SLC14A2: variants seen among roughly 807,000 people sequenced by gnomAD.
The protein encoded by SLC14A2 is urea transporter 2.
A neutral mutation model predicts 104.6 loss-of-function variants in SLC14A2; 91 were observed. The observed-to-expected ratio is 0.87, with a 90% confidence interval of 0.73 to 1.04. SLC14A2 has a LOEUF of 1.04. Ranked by LOEUF, SLC14A2 falls within the 50% of genes least tolerant of loss-of-function variation. The pLI is 0.00. For synonymous variants in SLC14A2, 476 were observed against 466.4 expected (o/e 1.02, Z -0.27); for missense variants, 1,189 against 1,156.0 (o/e 1.03, Z -0.41).
At chr18:45,272,674 T>C (rs1010352209) in intron 1 of SLC14A2, among the ~76,000 whole-genome samples, 5 of 151,992 alleles carry the variant, frequency 3.3e-5, no homozygotes, top group African/African-American at 4.8e-5. Flanking sequence ...AATGAATGAA[T>C]AAGACCTACT....
chr18:45,488,966 C>A (rs886972459), intron 2 of SLC14A2, among the ~76,000 whole-genome samples: 3 of 152,214 alleles, frequency 2.0e-5, no homozygotes, highest in African/African-American at 7.2e-5. Context: ...CACATCCAGG[C>A]TGCAAAGCCT....
In SLC14A2 at chr18:45,650,092, C is replaced by T. The variant is rs752312536; in HGVS notation, c.1351+5932C>T. ...TGATGGGCCTCTTTGATCTCTATTT[C>T]GAGTTGCTTATGTTATTCTTCACAA... On this transcript the variant is annotated intron_variant, in intron 10 of 19. Coordinates refer to ENST00000255226, the MANE Select transcript of SLC14A2 (RefSeq NM_007163.4). 1.6e-4 allele frequency among the ~76,000 whole-genome samples: 24 copies of T among 152,254 alleles called. 1 individual carries two copies. In the South Asian group the frequency reaches 2.9e-3, roughly 18 times the overall value.
intron 1 of SLC14A2, among the ~76,000 whole-genome samples, chr18:45,221,775 A>G (rs1310838890): frequency 2.0e-5 from 3 of 152,110 alleles, no homozygotes; most frequent in Non-Finnish European, 4.4e-5. Context: ...GGTGGGCACC[A>G]ACAATGTCTT....
intron 10 of SLC14A2, among the ~76,000 whole-genome samples, chr18:45,654,084 C>G (rs1006630304): frequency 6.6e-6 from 1 of 151,796 alleles, no homozygotes; most frequent in African/African-American, 2.4e-5. Context: ...ACCATGGTAG[C>G]TGAAGCTAGT....
At chr18:45,535,534 A>T (rs1366852204) in intron 2 of SLC14A2, among the ~76,000 whole-genome samples, 1 of 152,094 alleles carries the variant, frequency 6.6e-6, no homozygotes, top group Non-Finnish European at 1.5e-5. Context: ...AGGCTCAGGG[A>T]GGTTGAATAA....
intron 1 of SLC14A2, among the ~76,000 whole-genome samples, chr18:45,282,984 A>C (rs929772666): frequency 3.3e-5 from 5 of 152,226 alleles, no homozygotes; most frequent in Non-Finnish European, 5.9e-5. Context: ...TACCATCAAC[A>C]GTGATGGACC....
intron 1 of SLC14A2, among the ~76,000 whole-genome samples, chr18:45,271,650 G>A (rs558164582): frequency 2.0e-5 from 3 of 151,962 alleles, no homozygotes; most frequent in East Asian, 3.9e-4. Context: ...AAATTGAAAA[G>A]AACACCAAAA....
chr18:45,204,286 G>T, the SLC14A2 span, among the ~76,000 whole-genome samples: 1 of 152,268 alleles, frequency 6.6e-6, no homozygotes, highest in African/African-American at 2.4e-5. Flanking sequence ...TGTTCACATG[G>T]GAGAAAGCTC....
At chr18:45,658,567 C>T (rs779745697) in intron 10 of SLC14A2, among the ~76,000 whole-genome samples, 9 of 144,092 alleles carry the variant, frequency 6.2e-5, no homozygotes, top group Non-Finnish European at 1.1e-4. Context: ...GGTGATACAG[C>T]GAAACTCCAA....
intron 10 of SLC14A2, among the ~76,000 whole-genome samples, chr18:45,662,077 G>A (rs2045944800): frequency 1.3e-5 from 2 of 152,176 alleles, no homozygotes; most frequent in African/African-American, 2.4e-5. Flanking sequence ...ATCCCAGATG[G>A]GTGGATCACG....
intron 2 of SLC14A2, among the ~76,000 whole-genome samples, chr18:45,538,963 G>C (rs2043843286): frequency 1.4e-5 from 2 of 147,746 alleles, no homozygotes; most frequent in Admixed American, 1.4e-4. Context: ...TCCTGCCACA[G>C]CTTTGCTGAT....
At chr18:45,217,598 A>G (rs1285893716) in intron 1 of SLC14A2, among the ~76,000 whole-genome samples, 1 of 152,194 alleles carries the variant, frequency 6.6e-6, no homozygotes, top group African/African-American at 2.4e-5. Flanking sequence ...ATCTGTATTT[A>G]TAACTCATGC....
intron 18 of SLC14A2, among the ~76,000 whole-genome samples, chr18:45,676,444 T>A (rs2046230938): frequency 6.6e-6 from 1 of 152,226 alleles, no homozygotes; most frequent in Non-Finnish European, 1.5e-5. Flanking sequence ...GTTCTACTTA[T>A]TCACTAAGGG....
chr18:45,468,178 G>A (rs1036458341), intron 1 of SLC14A2, among the ~76,000 whole-genome samples: 1 of 152,058 alleles, frequency 6.6e-6, no homozygotes, highest in African/African-American at 2.4e-5. Context: ...GGATGCAGGA[G>A]GCATTAAGCC....
intron 18 of SLC14A2, 58 bp downstream of exon 18, chr18:45,673,875 GTTT>G: frequency 6.6e-7 from 1 of 1,520,624 alleles, no homozygotes; most frequent in Non-Finnish European, 9.0e-7. Context: ...ACATAAAACT[GTTT>G]TTTTATGTTT....
chr18:45,270,730 A>T (rs993875120), intron 1 of SLC14A2, among the ~76,000 whole-genome samples: 1 of 152,144 alleles, frequency 6.6e-6, no homozygotes, highest in African/African-American at 2.4e-5. Context: ...GGATATTTCT[A>T]TGAGATCTTA....
chr18:45,570,483 A>C (rs2044328628), intron 2 of SLC14A2, among the ~76,000 whole-genome samples: 2 of 152,268 alleles, frequency 1.3e-5, no homozygotes, highest in South Asian at 4.1e-4. Context: ...CTTTAGAGAA[A>C]GCATAGCTGC....
intron 2 of SLC14A2, among the ~76,000 whole-genome samples, chr18:45,503,980 T>C (rs1245147266): frequency 6.6e-6 from 1 of 152,176 alleles, no homozygotes; most frequent in Non-Finnish European, 1.5e-5. Context: ...CCTGGTCTAA[T>C]GGTCATAAGT....
At chr18:45,590,791 TTGAG>T (rs1237104199) in intron 2 of SLC14A2, among the ~76,000 whole-genome samples, 2 of 152,242 alleles carry the variant, frequency 1.3e-5, no homozygotes, top group African/African-American at 4.8e-5. Context: ...CTGACATTGA[TTGAG>T]TGCTTACAGT....
Sources: allele counts gnomAD v4.1 joint callset (sites outside exome capture counted in the v4.1 genomes callset), GRCh38; gene constraint gnomAD v4.1.1; transcripts MANE v1.5; gene names NCBI Gene and HGNC (gene_info 2026-07-23, HGNC 2026-07-21).